The following RUNX1T1 variants were observed in gnomAD, a reference collection of about 807,000 sequenced individuals.
The protein encoded by RUNX1T1 is protein CBFA2T1.
RUNX1T1 carries 4 observed loss-of-function variants against 62.8 expected under a neutral mutation model. The ratio of observed to expected loss-of-function variants is 0.06; its 90% CI spans 0.03 to 0.15. The LOEUF is 0.15. RUNX1T1 is among the 10% of genes least tolerant of loss of function. The probability of loss-of-function intolerance (pLI) is 1.00; values close to 1 mark genes in which losing one functional copy is unlikely to be tolerated. For missense variants in RUNX1T1, 508 were observed against 754.3 expected (o/e 0.67, Z 3.82); for synonymous variants, 291 against 286.0 (o/e 1.02, Z -0.18).
intron 1 of RUNX1T1, among the ~76,000 whole-genome samples, chr8:92,033,501 C>G (rs1455890413): frequency 6.6e-6 from 1 of 152,120 alleles, no homozygotes; most frequent in Non-Finnish European, 1.5e-5. Context: ...AATATATTGT[C>G]AGGCCAGGCA....
intron 2 of RUNX1T1, among the ~76,000 whole-genome samples, chr8:92,068,414 G>A (rs913048154): frequency 2.0e-5 from 3 of 152,064 alleles, no homozygotes; most frequent in Non-Finnish European, 2.9e-5. Context: ...CTCAGCAACA[G>A]AGACAAAAAC....
intron 1 of RUNX1T1, among the ~76,000 whole-genome samples, chr8:92,050,232 A>T (rs1231917442): frequency 6.6e-6 from 1 of 152,174 alleles, no homozygotes; most frequent in Non-Finnish European, 1.5e-5. Flanking sequence ...TTTGCCATAT[A>T]ATTCCTTGAG....
intron 5 of RUNX1T1, among the ~76,000 whole-genome samples, chr8:91,992,839 T>C (rs1817936060): frequency 6.6e-6 from 1 of 152,194 alleles, no homozygotes. Flanking sequence ...AGGAATGCAT[T>C]CTATAAATAA....
intron 3 of RUNX1T1, 36 bp from the exon 5 acceptor site, chr8:92,011,127 C>T (rs748565166): frequency 8.6e-7 from 1 of 1,168,112 alleles, no homozygotes; most frequent in South Asian, 1.2e-5. Flanking sequence ...ATACATTAGC[C>T]TGTTGGTAAA....
intron 8 of RUNX1T1, among the ~76,000 whole-genome samples, chr8:91,976,599 A>G (rs568027172): frequency 1.9e-4 from 29 of 152,268 alleles, no homozygotes; most frequent in Non-Finnish European, 3.7e-4. Flanking sequence ...CATGCTTTCC[A>G]GAAAAGGAAA....
At chr8:91,968,508 C>G (rs1318000617) in intron 10 of RUNX1T1, among the ~76,000 whole-genome samples, 1 of 152,108 alleles carries the variant, frequency 6.6e-6, no homozygotes, top group Non-Finnish European at 1.5e-5. Context: ...GTAAAGAGAT[C>G]TTTTTTTCCA....
chr8:92,082,306 C>T (rs574563848), intron 1 of RUNX1T1, among the ~76,000 whole-genome samples: 1 of 152,234 alleles, frequency 6.6e-6, no homozygotes, highest in African/African-American at 2.4e-5. Context: ...TGACCCTGTT[C>T]ATGTAGAAAA....
chr8:91,971,557 T>A (rs1812831056), intron 9 of RUNX1T1, among the ~76,000 whole-genome samples: 1 of 152,206 alleles, frequency 6.6e-6, no homozygotes, highest in Admixed American at 6.5e-5. Flanking sequence ...TAATGGATGA[T>A]CCAGTTTTAC....
chr8:92,017,250 T>A, exon 2 of RUNX1T1: 11 of 1,613,666 alleles, frequency 6.8e-6, no homozygotes, highest in Non-Finnish European at 9.3e-6. Flanking sequence ...AATGAACTGG[T>A]TCTTGGAGCT....
intron 1 of RUNX1T1, among the ~76,000 whole-genome samples, chr8:92,028,785 T>C (rs1347568199): frequency 6.6e-6 from 1 of 152,172 alleles, no homozygotes; most frequent in Non-Finnish European, 1.5e-5. Flanking sequence ...GAAAGATGCA[T>C]GTTATCACAA....
chr8:92,018,826 G>A (rs985703398), intron 1 of RUNX1T1, among the ~76,000 whole-genome samples: 1 of 152,124 alleles, frequency 6.6e-6, no homozygotes, highest in African/African-American at 2.4e-5. Context: ...ATTCTAATAA[G>A]AGTATTTGCA....
At chr8:92,052,778 G>A (rs1207213606) in intron 1 of RUNX1T1, among the ~76,000 whole-genome samples, 1 of 152,152 alleles carries the variant, frequency 6.6e-6, no homozygotes, top group Non-Finnish European at 1.5e-5. Flanking sequence ...CTCTGGTGAG[G>A]CAGACACTGT....
intron 1 of RUNX1T1, among the ~76,000 whole-genome samples, chr8:92,024,648 C>T (rs1587090717): frequency 6.6e-6 from 1 of 151,998 alleles, no homozygotes; most frequent in African/African-American, 2.4e-5. Context: ...TAGCATCTGA[C>T]ACTTCCCTAC....
intron 2 of RUNX1T1, among the ~76,000 whole-genome samples, chr8:92,074,169 T>C (rs1475938332): frequency 6.6e-6 from 1 of 152,138 alleles, no homozygotes; most frequent in African/African-American, 2.4e-5. Context: ...AAATTGCACA[T>C]TGTGTTTCTG....
intron 10 of RUNX1T1, among the ~76,000 whole-genome samples, chr8:91,965,148 GATGGTCCC>G (rs2130515100): frequency 1.3e-5 from 2 of 152,278 alleles, no homozygotes; most frequent in East Asian, 3.9e-4. Context: ...TTAGAAGGCT[GATGGTCCC>G]ATTCAAATTA....
At chr8:92,066,406 G>A (rs1832882245), upstream of RUNX1T1, among the ~76,000 whole-genome samples, 1 of 152,182 alleles carries the variant, frequency 6.6e-6, no homozygotes, top group East Asian at 1.9e-4. Flanking sequence ...AAATAAAATG[G>A]AGGCATTAGC....
chr8:92,008,974 T>C (rs986966199), intron 4 of RUNX1T1, among the ~76,000 whole-genome samples: 9 of 152,200 alleles, frequency 5.9e-5, no homozygotes, highest in South Asian at 2.1e-4. Flanking sequence ...AGAATTCATC[T>C]TATCTGTGTT....
intron 2 of RUNX1T1, among the ~76,000 whole-genome samples, chr8:92,073,962 T>C (rs570337166): frequency 6.6e-6 from 1 of 152,288 alleles, no homozygotes; most frequent in African/African-American, 2.4e-5. Context: ...CCCCTCAAAG[T>C]GCTGGGATTA....
At chr8:92,022,728 A>G (rs747607374) in intron 1 of RUNX1T1, among the ~76,000 whole-genome samples, 4 of 152,214 alleles carry the variant, frequency 2.6e-5, no homozygotes, top group Non-Finnish European at 5.9e-5. Context: ...TAAACTACCC[A>G]GTCTAAGGTA....
Sources: gnomAD v4.1 joint callset for allele counts (sites outside exome capture counted in the v4.1 genomes callset) on GRCh38, gnomAD v4.1.1 for gene constraint, MANE v1.5 for transcripts, NCBI Gene and HGNC (gene_info 2026-07-23, HGNC 2026-07-21) for gene names.